The following CCSER1 variants were observed in gnomAD, a reference collection of about 807,000 sequenced individuals.
CCSER1 encodes serine-rich coiled-coil domain-containing protein 1.
CCSER1 carries 41 observed loss-of-function variants against 82.0 expected under a neutral mutation model. The ratio of observed to expected loss-of-function variants is 0.50; its 90% CI spans 0.39 to 0.65. CCSER1 has a LOEUF of 0.65. Among genes scored for constraint, CCSER1 ranks in the 30% least tolerant of loss-of-function variants. The pLI, the probability that CCSER1 is intolerant of heterozygous loss-of-function variation, is 0.00. For missense variants in CCSER1, 1,119 were observed against 1,064.2 expected (o/e 1.05, Z -0.72); for synonymous variants, 414 against 383.9 (o/e 1.08, Z -0.92).
At chr4:91,083,712 A>G (rs975709042) in intron 9 of CCSER1, among the ~76,000 whole-genome samples, 1 of 152,160 alleles carries the variant, frequency 6.6e-6, no homozygotes, top group Non-Finnish European at 1.5e-5. Context: ...AAGATAGCTG[A>G]AATAAAAATT....
At chr4:90,348,096 C>A (rs1393373946) in intron 3 of CCSER1, among the ~76,000 whole-genome samples, 3 of 152,030 alleles carry the variant, frequency 2.0e-5, no homozygotes, top group Non-Finnish European at 4.4e-5. Flanking sequence ...AGGGGAACAA[C>A]ACACACTGGG....
intron 3 of CCSER1, among the ~76,000 whole-genome samples, chr4:90,317,118 A>C (rs1414096124): frequency 6.6e-6 from 1 of 152,180 alleles, no homozygotes; most frequent in East Asian, 1.9e-4. Context: ...ATGGTATATA[A>C]ATGTATACAT....
intron 10 of CCSER1, among the ~76,000 whole-genome samples, chr4:91,543,094 G>T (rs61097970): frequency 0.016 from 2,484 of 152,168 alleles, 68 homozygotes; most frequent in African/African-American, 0.057. Context: ...TTGGTTTAAA[G>T]TCCATTTTAT....
chr4:91,240,106 T>A (rs1581826177), intron 10 of CCSER1, among the ~76,000 whole-genome samples: 1 of 59,728 alleles, frequency 1.7e-5, no homozygotes, highest in Non-Finnish European at 3.1e-5. Flanking sequence ...GACAGAGTCT[T>A]GCTCTGTCGC....
At chr4:90,167,550 T>C (rs913234531) in intron 1 of CCSER1, among the ~76,000 whole-genome samples, 1 of 152,174 alleles carries the variant, frequency 6.6e-6, no homozygotes, top group Non-Finnish European at 1.5e-5. Context: ...TGTATACATG[T>C]GCCATGTTGG....
chr4:91,341,440 G>A (rs2149288083), intron 10 of CCSER1, among the ~76,000 whole-genome samples: 1 of 152,284 alleles, frequency 6.6e-6, no homozygotes, highest in South Asian at 2.1e-4. Context: ...AACATTAAAA[G>A]TAGCTTTAAT....
intron 10 of CCSER1, among the ~76,000 whole-genome samples, chr4:91,326,791 C>A (rs2149271862): frequency 6.6e-6 from 1 of 152,266 alleles, no homozygotes; most frequent in African/African-American, 2.4e-5. Flanking sequence ...TTAAATGCTC[C>A]CATTCCAAAA....
chr4:90,493,127 C>T (rs932493643), intron 5 of CCSER1, among the ~76,000 whole-genome samples: 1 of 152,086 alleles, frequency 6.6e-6, no homozygotes, highest in African/African-American at 2.4e-5. Flanking sequence ...GCACAAGCTT[C>T]AGTAGCCGAT....
At chr4:91,528,610 A>G (rs1357122047) in intron 10 of CCSER1, among the ~76,000 whole-genome samples, 1 of 152,206 alleles carries the variant, frequency 6.6e-6, no homozygotes, top group Non-Finnish European at 1.5e-5. Flanking sequence ...ATCCAGCACA[A>G]TAATGAGCAC....
intron 8 of CCSER1, among the ~76,000 whole-genome samples, chr4:90,898,246 T>A (rs570946132): frequency 2.0e-5 from 3 of 146,504 alleles, no homozygotes; most frequent in Admixed American, 1.4e-4. Context: ...GTTTGAGGCC[T>A]TACTTTTAAA....
chr4:90,206,510 G>C (rs1208943621), intron 1 of CCSER1, among the ~76,000 whole-genome samples: 2 of 152,060 alleles, frequency 1.3e-5, no homozygotes, highest in African/African-American at 4.8e-5. Context: ...GTGTGGCTTT[G>C]AGTGATTTTC....
At position 91,094,227 on chromosome 4, in the gene CCSER1, C is replaced by T. The variant is rs116247359; in HGVS notation, c.2217+8233C>T. 8.8e-3 allele frequency among the ~76,000 whole-genome samples: 1,334 copies of T among 152,256 alleles called. 21 individuals are homozygous for T. The highest frequency in any genetic ancestry group is 0.03 in the African/African-American group (1,242 of 41,548). On this transcript the variant is annotated intron_variant, in intron 10 of 10. Coordinates refer to ENST00000509176, the MANE Select transcript of CCSER1 (RefSeq NM_001145065.2). ...TGGAGGTCTCGAGCCAACACCTCCC[C>T]GAAGATGGTGGGGTAATTTTTAAAC...
intron 9 of CCSER1, among the ~76,000 whole-genome samples, chr4:90,998,877 C>T (rs772444988): frequency 6.6e-6 from 1 of 151,970 alleles, no homozygotes; most frequent in African/African-American, 2.4e-5. Context: ...CCACTCTTGC[C>T]TCCCTCCCTC....
At chr4:91,320,641 A>C (rs936843955) in intron 10 of CCSER1, among the ~76,000 whole-genome samples, 5 of 152,072 alleles carry the variant, frequency 3.3e-5, no homozygotes, top group African/African-American at 9.7e-5. Flanking sequence ...TCACTAGAGT[A>C]CAGTATTTAA....
chr4:90,662,240 G>A (rs560323706), intron 6 of CCSER1, among the ~76,000 whole-genome samples: 20 of 151,922 alleles, frequency 1.3e-4, no homozygotes, highest in South Asian at 1.2e-3. Context: ...CTCGTGATCC[G>A]CCCACCTGGG....
chr4:91,353,458 G>A (rs1695486448), intron 10 of CCSER1, among the ~76,000 whole-genome samples: 4 of 152,194 alleles, frequency 2.6e-5, no homozygotes, highest in Admixed American at 2.6e-4. Context: ...CTGGGTTTAG[G>A]CCAGGCAGGC....
chr4:90,759,598 G>C (rs57695619), intron 7 of CCSER1, among the ~76,000 whole-genome samples: 3 of 151,870 alleles, frequency 2.0e-5, no homozygotes, highest in Non-Finnish European at 2.9e-5. Context: ...CTACCAAGTC[G>C]TGTCTCTGAA....
intron 9 of CCSER1, among the ~76,000 whole-genome samples, chr4:91,053,363 A>T (rs1743168278): frequency 1.3e-5 from 2 of 152,210 alleles, no homozygotes; most frequent in African/African-American, 4.8e-5. Flanking sequence ...TGAGAATTCC[A>T]TGCAATGACT....
intron 5 of CCSER1, among the ~76,000 whole-genome samples, chr4:90,577,202 GT>G (rs1780868093): frequency 6.6e-6 from 1 of 151,974 alleles, no homozygotes; most frequent in Admixed American, 6.6e-5. Context: ...CTTTTTCCCA[GT>G]TTTACATTAG....
Sources: allele counts gnomAD v4.1 joint callset (sites outside exome capture counted in the v4.1 genomes callset), GRCh38; gene constraint gnomAD v4.1.1; transcripts MANE v1.5; gene names NCBI Gene and HGNC (gene_info 2026-07-23, HGNC 2026-07-21).